ENPP6: variants seen among roughly 807,000 people sequenced by gnomAD.
ENPP6 encodes the protein ectonucleotide pyrophosphatase/phosphodiesterase 6, also known as glycerophosphocholine cholinephosphodiesterase ENPP6.
In ENPP6, 32 loss-of-function variants were observed where a neutral mutation model predicts 42.0. That is an observed-to-expected ratio of 0.76 (90% CI 0.58 to 1.02). The LOEUF (loss-of-function observed/expected upper bound fraction) is 1.02. Ranked by LOEUF, ENPP6 falls within the 50% of genes least tolerant of loss-of-function variation. The pLI, the probability that ENPP6 is intolerant of heterozygous loss-of-function variation, is 0.00. For missense variants in ENPP6, 552 were observed against 566.8 expected (o/e 0.97, Z 0.27); for synonymous variants, 213 against 216.0 (o/e 0.99, Z 0.12).
chr4:184,096,469 G>A (rs997243752), intron 7 of ENPP6, among the ~76,000 whole-genome samples: 4 of 152,196 alleles, frequency 2.6e-5, no homozygotes, highest in Non-Finnish European at 5.9e-5. Flanking sequence ...ACTGATGGTT[G>A]ATGGCTGTTG....
intron 2 of ENPP6, among the ~76,000 whole-genome samples, chr4:184,141,653 T>G (rs893612667): frequency 5.4e-4 from 82 of 152,210 alleles, no homozygotes; most frequent in African/African-American, 2.0e-3. Context: ...GCCTTCTTGC[T>G]GGGTATTCCC....
At chr4:184,156,313 C>T (rs1560995396) in intron 1 of ENPP6, among the ~76,000 whole-genome samples, 1 of 152,206 alleles carries the variant, frequency 6.6e-6, no homozygotes, top group African/African-American at 2.4e-5. Context: ...GTGCTTGGAA[C>T]AGTCGAAGTC....
intron 1 of ENPP6, among the ~76,000 whole-genome samples, chr4:184,162,539 G>C (rs1244665896): frequency 7.8e-6 from 1 of 129,016 alleles, no homozygotes; most frequent in African/African-American, 2.7e-5. Flanking sequence ...AGGAAAGGGA[G>C]GGAGGGAAGA....
chr4:184,097,394 G>C (rs1299740293), intron 6 of ENPP6, 26 bp from the exon 7 acceptor site: 1 of 1,613,232 alleles, frequency 6.2e-7, no homozygotes, highest in African/African-American at 1.3e-5. Flanking sequence ...GCAGACACAT[G>C]ACACTACGTC....
rs1324489385 is a variant in ENPP6, at chr4:184,136,658, A to C, written c.422-12386T>G. On this transcript the variant is annotated intron_variant, in intron 2 of 7. Coordinates refer to ENST00000296741, the MANE Select transcript of ENPP6 (RefSeq NM_153343.4). ...ACTGTTTTCTCATATCATTTTGAGG[A>C]TCTCATTCCATTGTCTCCTTGGATT... Among the ~76,000 whole-genome samples, 3 of 152,188 alleles carry C rather than the reference A, an allele frequency of 2.0e-5. 1 individual carries two copies. The highest frequency in any genetic ancestry group is 4.4e-5 in the Non-Finnish European group (3 of 68,030).
At position 184,208,895 on chromosome 4, in the gene ENPP6, G is replaced by A. The variant is rs375812222; in HGVS notation, c.241+8684C>T. On this transcript the variant is annotated intron_variant, in intron 1 of 7. Transcript: ENST00000296741. ...AGCACGCAGCTGGAGATCTGAGAACGGGCAGACTGCCTCCTCAAGTGGGTC... is the reference window on the plus strand; with the variant it reads ...AGCACGCAGCTGGAGATCTGAGAACAGGCAGACTGCCTCCTCAAGTGGGTC... Among the ~76,000 whole-genome samples the A allele has an allele frequency of 2.9e-3, 409 of 142,750 alleles. 6 individuals carry two copies. Among genetic ancestry groups the A allele is most frequent in the African/African-American group, 9.3e-3 (359 of 38,618 alleles). 93.6% of individuals were successfully genotyped at this position (142,750 alleles called of 152,430 possible).
At chr4:184,194,194 A>G (rs1732758450) in intron 1 of ENPP6, among the ~76,000 whole-genome samples, 1 of 152,154 alleles carries the variant, frequency 6.6e-6, no homozygotes, top group African/African-American at 2.4e-5. Flanking sequence ...CTAAGAAGTC[A>G]CCACCTGAAT....
intron 1 of ENPP6, among the ~76,000 whole-genome samples, chr4:184,209,140 A>G (rs1245757963): frequency 6.6e-6 from 1 of 151,282 alleles, no homozygotes; most frequent in Non-Finnish European, 1.5e-5. Flanking sequence ...TGGGGAAAAA[A>G]CAGAACAGAA....
At chr4:184,115,835 A>G (rs1025486101) in intron 5 of ENPP6, among the ~76,000 whole-genome samples, 1 of 152,200 alleles carries the variant, frequency 6.6e-6, no homozygotes. Flanking sequence ...AGCCTGGCAG[A>G]AGCCTCTTTC....
At chr4:184,158,638 A>G (rs1456425216) in intron 1 of ENPP6, among the ~76,000 whole-genome samples, 4 of 152,216 alleles carry the variant, frequency 2.6e-5, no homozygotes, top group Admixed American at 2.0e-4. Flanking sequence ...TCTTCTAGAG[A>G]TATAACAAAA....
At chr4:184,124,414 CT>C in intron 2 of ENPP6, 142 bp from the exon 3 acceptor site, 10 of 610,410 alleles carry the variant, frequency 1.6e-5, no homozygotes, top group Non-Finnish European at 2.8e-5. Context: ...TAACTTATTG[CT>C]AATAAGTGGT....
intron 1 of ENPP6, among the ~76,000 whole-genome samples, chr4:184,201,892 G>C (rs947111376): frequency 1.3e-5 from 2 of 152,140 alleles, no homozygotes; most frequent in Admixed American, 6.5e-5. Context: ...AATGTTGTTA[G>C]GTGTCTCTGG....
chr4:184,197,888 T>C (rs1189269918), intron 1 of ENPP6, among the ~76,000 whole-genome samples: 1 of 152,132 alleles, frequency 6.6e-6, no homozygotes, highest in African/African-American at 2.4e-5. Context: ...AACTGGAACC[T>C]GGAATTAGAT....
At chr4:184,095,654 C>CA (rs71700505) in intron 7 of ENPP6, among the ~76,000 whole-genome samples, 4,342 of 139,660 alleles carry the variant, frequency 0.031, 142 homozygotes, top group African/African-American at 0.095. Flanking sequence ...GAAACTGTCT[C>CA]AAAAAAAAAA....
rs373943495 is a variant in ENPP6 at position 184,116,849 on chromosome 4, G to A, written c.855+7C>T. On this transcript the variant is annotated splice_region_variant and intron_variant, in intron 5 of 7. Transcript: ENST00000296741. ...GCCCTCCTCCGCCCCCCACGGGTCT[G>A]TCTTGCCTCAGAGTGTTTCCCAGGG... The A allele has an allele frequency of 3.1e-6, 5 of 1,613,028 alleles. No individual in the cohort carries two copies. The African/African-American group carries it at 6.7e-5, about 22-fold the overall frequency.
chr4:184,152,149 A>G (rs1737062337), intron 2 of ENPP6, among the ~76,000 whole-genome samples: 1 of 152,168 alleles, frequency 6.6e-6, no homozygotes, highest in African/African-American at 2.4e-5. Flanking sequence ...GGGTGAGGCC[A>G]CTGCTCTGCA....
chr4:184,172,830 A>C (rs1579648634), intron 1 of ENPP6, among the ~76,000 whole-genome samples: 1 of 152,204 alleles, frequency 6.6e-6, no homozygotes, highest in Non-Finnish European at 1.5e-5. Context: ...AGTGGCGTGC[A>C]TACCAGCGAG....
chr4:184,204,477 A>G (rs528406922), intron 1 of ENPP6, among the ~76,000 whole-genome samples: 1 of 152,160 alleles, frequency 6.6e-6, no homozygotes, highest in South Asian at 2.1e-4. Context: ...CCGTCCTCAC[A>G]GTGTTCCACG....
intron 5 of ENPP6, among the ~76,000 whole-genome samples, chr4:184,113,904 T>C (rs1045171515): frequency 6.3e-5 from 4 of 63,494 alleles, no homozygotes; most frequent in Non-Finnish European, 1.0e-4. Flanking sequence ...CTTTCTTTTC[T>C]TTCTTTCTTT....
Sources: allele counts gnomAD v4.1 joint callset (sites outside exome capture counted in the v4.1 genomes callset), GRCh38; gene constraint gnomAD v4.1.1; transcripts MANE v1.5; gene names NCBI Gene and HGNC (gene_info 2026-07-23, HGNC 2026-07-21).